Variants in LYPD8 observed in about 807,000 individuals in gnomAD.
LYPD8 encodes ly6/PLAUR domain-containing protein 8.
LYPD8 carries 8 observed loss-of-function variants against 1.7 expected under a neutral mutation model. That is an observed-to-expected ratio of 4.58 (90% CI 2.69 to 8.27). LYPD8 has a LOEUF of 8.27. Ranked by LOEUF, LYPD8 falls within the 30% of genes most tolerant of loss-of-function variation. LYPD8 has a pLI of 0.00. For missense variants in LYPD8, 112 were observed against 102.3 expected, an observed-to-expected ratio of 1.09 and a Z score of -0.41; for synonymous variants, 50 against 43.6, an observed-to-expected ratio of 1.15 and a Z score of -0.58.
chr1:248,751,158 G>A (rs975263700), intron 2 of LYPD8, 28 bp from the exon 3 acceptor site: 112 of 398,320 alleles, frequency 2.8e-4, no homozygotes, highest in Non-Finnish European at 3.9e-4. Context: ...AGGCAGCCCC[G>A]GGGCCTTGGA....
At chr1:248,754,533 TCA>T (rs1662892942) in intron 2 of LYPD8, among the ~76,000 whole-genome samples, 1 of 145,980 alleles carries the variant, frequency 6.9e-6, no homozygotes, top group African/African-American at 2.5e-5. Context: ...CACATACACA[TCA>T]CACACCCTCA....
At chr1:248,742,931 C>G (rs533330619) in intron 6 of LYPD8, among the ~76,000 whole-genome samples, 2 of 99,406 alleles carry the variant, frequency 2.0e-5, no homozygotes, top group Non-Finnish European at 3.8e-5. Context: ...AGATTATGCT[C>G]TGGTGGGGAT....
rs1358865025 is a variant in LYPD8, at chr1:248,750,646, G to A, written c.53-3C>T. ...ACACTGCACGCAGCTCAGAGATTCT[G>A]AGGAGACAAGACATCCAACACCAGT... On this transcript the variant is annotated splice_polypyrimidine_tract_variant and splice_region_variant and intron_variant, in intron 3 of 6. Coordinates refer to ENST00000590317, the MANE Select transcript of LYPD8 (RefSeq NM_001085474.2). 1 of 398,466 alleles carries A rather than the reference G, an allele frequency of 2.5e-6. No individual in the cohort carries two copies. Among genetic ancestry groups the A allele is most frequent in the Non-Finnish European group, 4.4e-6 (1 of 226,064 alleles). 24.7% of individuals were successfully genotyped at this position (398,466 alleles called of 1,614,324 possible).
rs1662783022 is a variant in LYPD8, at chr1:248,750,504, A to G, written c.172+20T>C. The stretch of plus-strand genomic sequence containing the variant: ...GGTGCAAGCCCCAGAGGCAGGAAGG[A>G]CACACACACCCAGGCTCACCTAGAG... On this transcript the variant is annotated intron_variant, in intron 4 of 6. Coordinates refer to ENST00000590317, the MANE Select transcript of LYPD8 (RefSeq NM_001085474.2). 2.5e-6 allele frequency: 1 copy of G among 398,488 alleles called. No homozygotes were observed. Among genetic ancestry groups the G allele is most frequent in the African/African-American group, 2.1e-5 (1 of 48,620 alleles). The allele number at this position is 398,488 out of a possible 1,614,324, so 24.7% of individuals were successfully genotyped here.
In LYPD8 at chr1:248,753,542, T is replaced by C. The variant is rs1225877681; in HGVS notation, c.-50+1697A>G. On this transcript the variant is annotated intron_variant, in intron 2 of 6. Transcript: ENST00000590317. ...CACACACCCCACACAACACACCACA[T>C]CACACAAAACACATCACACACACAA... Among the ~76,000 whole-genome samples the C allele has an allele frequency of 4.9e-3, 254 of 51,474 alleles. 2 individuals are homozygous for C. Among genetic ancestry groups the C allele is most frequent in the East Asian group, 7.8e-3 (10 of 1,276 alleles). The allele number at this position is 51,474 out of a possible 152,430, so 33.8% of individuals were successfully genotyped here.
chr1:248,739,872 A>G lies in LYPD8; in HGVS notation c.476-23T>C. The G allele has an allele frequency of 1.3e-6, 2 of 1,551,382 alleles. No homozygotes were observed. The highest frequency in any genetic ancestry group is 8.7e-7 in the Non-Finnish European group (1 of 1,146,904). On this transcript the variant is annotated intron_variant, in intron 6 of 6. Coordinates refer to ENST00000590317, the MANE Select transcript of LYPD8 (RefSeq NM_001085474.2). This position sits in a 1 kb window ranked among gnomAD's most constrained non-coding sequence, Gnocchi z 4.3. Reference sequence around the variant, plus strand: ...TGTCTGTGAATGCAAAGGAGACAGGAGGGACGCCACTCAGTCCTTTGTCCT... The same window carrying G: ...TGTCTGTGAATGCAAAGGAGACAGGGGGGACGCCACTCAGTCCTTTGTCCT...
At chr1:248,753,222 CCACA>C (rs1159809794) in intron 2 of LYPD8, among the ~76,000 whole-genome samples, 7 of 94,762 alleles carry the variant, frequency 7.4e-5, no homozygotes, top group African/African-American at 1.4e-4. Context: ...ACACACCACA[CCACA>C]CACACACACC....
intron 2 of LYPD8, among the ~76,000 whole-genome samples, chr1:248,753,047 TC>T (rs1662846039): frequency 4.8e-5 from 1 of 20,780 alleles, no homozygotes; most frequent in Non-Finnish European, 8.6e-5. Context: ...CACACACACA[TC>T]ACACACACAC....
chr1:248,742,556 G>T (rs1662627082), intron 6 of LYPD8, among the ~76,000 whole-genome samples: 1 of 75,580 alleles, frequency 1.3e-5, no homozygotes, highest in African/African-American at 7.0e-5. Context: ...TGGTGGGGAT[G>T]TTGGCAGCCG....
In LYPD8 at chr1:248,748,339, AC is replaced by A. The variant is rs1338080618; in HGVS notation, c.286del (p.Val96Ter). On this transcript the variant is annotated frameshift_variant, in exon 5 of 7. Coordinates refer to ENST00000590317, the MANE Select transcript of LYPD8 (RefSeq NM_001085474.2). LOFTEE classifies it high-confidence loss of function. ...TTCCTTTCCTTGGCAGCACTGGCTT[AC>A]AAAATGAAAGTGTTCTTCAGCAGAC... The part of the protein sequence containing the change: ...HVSAEEHFHF[V>X]SQCCQGKECS... 1.1e-4 allele frequency: 49 copies of A among 466,210 alleles called. No homozygotes were observed. The highest frequency in any genetic ancestry group is 1.7e-4 in the Non-Finnish European group (45 of 267,262). 28.9% of individuals were successfully genotyped at this position (466,210 alleles called of 1,614,324 possible). A position where few individuals can be genotyped will look rare whatever the true frequency, so the allele number is the denominator to read the frequency against.
intron 2 of LYPD8, among the ~76,000 whole-genome samples, chr1:248,752,004 T>A (rs1175556145): frequency 6.6e-6 from 1 of 152,144 alleles, no homozygotes; most frequent in African/African-American, 2.4e-5. Context: ...AACTTGCTTG[T>A]GTATCAAAGC....
intron 2 of LYPD8, among the ~76,000 whole-genome samples, 153 bp downstream of exon 2, chr1:248,755,086 G>T (rs1356223995): frequency 6.6e-6 from 1 of 152,174 alleles, no homozygotes; most frequent in Non-Finnish European, 1.5e-5. Context: ...AGGGAGAATT[G>T]ATGGAGGCCC....
intron 4 of LYPD8, among the ~76,000 whole-genome samples, chr1:248,750,300 T>TGC (rs1242919013): frequency 6.4e-4 from 97 of 151,390 alleles, no homozygotes; most frequent in African/African-American, 2.1e-3. Flanking sequence ...CGGGCATCAG[T>TGC]CCCAAACACC....
Position 248,755,756 on chromosome 1 carries a change from G to A in LYPD8, c.-249C>T, listed in dbSNP as rs1200862355. On this transcript the variant is annotated 5_prime_UTR_variant, in exon 1 of 7. Transcript: ENST00000590317. The stretch of plus-strand genomic sequence containing the variant: ...CTACAGAAGGTGGTTCCCAGTAGAG[G>A]CTTAGGGCTGGTATGGGAGAGGCCT... The A allele has an allele frequency of 6.6e-6, 1 of 152,288 alleles. No individual in the cohort carries two copies. The highest frequency in any genetic ancestry group is 1.5e-5 in the Non-Finnish European group (1 of 68,074). The allele number at this position is 152,288 out of a possible 1,614,324, so 9.4% of individuals were successfully genotyped here. A position where few individuals can be genotyped will look rare whatever the true frequency, so the allele number is the denominator to read the frequency against.
chr1:248,739,710 G>T lies in LYPD8; in HGVS notation c.615C>A (p.Thr205=), dbSNP rs1553283069. Residue 205 remains threonine, a synonymous_variant, in exon 7 of 7, where the codon ACC becomes ACA. Coordinates refer to ENST00000590317, the MANE Select transcript of LYPD8 (RefSeq NM_001085474.2). The surrounding 1 kb of genome is among the most constrained non-coding windows in gnomAD (Gnocchi z 4.3). Reference sequence around the variant, plus strand: ...GGGAAGTGGTTGGTGCAGACGTGGGGGTTAAGCTGTTTACATTTGCACACT... The same window carrying T: ...GGGAAGTGGTTGGTGCAGACGTGGGTGTTAAGCTGTTTACATTTGCACACT... ...KFECANVNSL[T]PTSAPTTSHN... is the part of the protein sequence containing the mutation. 6 of 1,551,704 alleles carry T rather than the reference G, an allele frequency of 3.9e-6. No individual in the cohort carries two copies. In the South Asian group the frequency reaches 4.8e-5, roughly 12 times the overall value.
chr1:248,744,464 A>G (rs1662687423), intron 6 of LYPD8, among the ~76,000 whole-genome samples: 1 of 152,268 alleles, frequency 6.6e-6, no homozygotes, highest in South Asian at 2.1e-4. Context: ...GGCAAATGTT[A>G]GAAATGTGTA....
chr1:248,741,964 G>A (rs891904027), intron 6 of LYPD8, among the ~76,000 whole-genome samples: 1 of 152,180 alleles, frequency 6.6e-6, no homozygotes, highest in Non-Finnish European at 1.5e-5. Context: ...GGAGGGATGC[G>A]TAGGTAGAGC....
intron 5 of LYPD8, among the ~76,000 whole-genome samples, chr1:248,745,520 G>A (rs916608410): frequency 6.6e-6 from 1 of 152,164 alleles, no homozygotes; most frequent in Non-Finnish European, 1.5e-5. Flanking sequence ...GTGTGTTTGG[G>A]TATAGACTGA....
intron 2 of LYPD8, among the ~76,000 whole-genome samples, chr1:248,751,472 C>G (rs1446313857): frequency 1.3e-5 from 2 of 152,138 alleles, no homozygotes; most frequent in South Asian, 4.2e-4. Context: ...GGGGTCTGTG[C>G]CCCTCCCCTC....
Sources: allele counts gnomAD v4.1 joint callset (sites outside exome capture counted in the v4.1 genomes callset), GRCh38; gene constraint gnomAD v4.1.1; non-coding constraint Gnocchi (gnomAD v3.1); transcripts MANE v1.5; gene names NCBI Gene and HGNC (gene_info 2026-07-23, HGNC 2026-07-21).